Variants in NRXN1 observed in about 807,000 individuals in gnomAD.
NRXN1 encodes the protein neurexin-1.
A neutral mutation model predicts 150.9 loss-of-function variants in NRXN1; 39 were observed. The observed-to-expected ratio is 0.26, with a 90% confidence interval of 0.20 to 0.34. NRXN1 has a LOEUF of 0.34. Among genes scored for constraint, NRXN1 ranks in the 10% least tolerant of loss-of-function variants. The pLI is 1.00. For missense variants in NRXN1, 1,815 were observed against 1,949.9 expected, an observed-to-expected ratio of 0.93 and a Z score of 1.30; for synonymous variants, 924 against 757.0, an observed-to-expected ratio of 1.22 and a Z score of -3.62.
intron 5 of NRXN1, among the ~76,000 whole-genome samples, chr2:50,766,883 G>A (rs1015270804): frequency 2.0e-5 from 3 of 152,042 alleles, no homozygotes; most frequent in Non-Finnish European, 4.4e-5. Flanking sequence ...CAAAACAATA[G>A]CTGGGAGATT....
chr2:50,281,636 G>A (rs2071480253), intron 17 of NRXN1, among the ~76,000 whole-genome samples: 1 of 152,054 alleles, frequency 6.6e-6, no homozygotes, highest in African/African-American at 2.4e-5. Flanking sequence ...AGGAAGTGAG[G>A]AGGTCCCCTT....
intron 2 of NRXN1, among the ~76,000 whole-genome samples, chr2:50,945,983 CTA>C (rs1491049530): frequency 3.3e-5 from 5 of 150,424 alleles, no homozygotes; most frequent in Admixed American, 2.0e-4. Context: ...CTTTTCAGCT[CTA>C]TGTTTTAAGG....
chr2:50,390,441 A>T (rs2081612076), intron 17 of NRXN1, among the ~76,000 whole-genome samples: 1 of 152,184 alleles, frequency 6.6e-6, no homozygotes, highest in Non-Finnish European at 1.5e-5. Context: ...CAACTAATTT[A>T]CACAGGCTAG....
At chr2:50,050,880 A>C (rs1692611289) in intron 21 of NRXN1, among the ~76,000 whole-genome samples, 1 of 152,056 alleles carries the variant, frequency 6.6e-6, no homozygotes, top group Admixed American at 6.6e-5. Context: ...CCAACTTTAA[A>C]ATACTGTTGC....
intron 14 of NRXN1, 100 bp from the exon 15 acceptor site, chr2:50,496,195 A>G: frequency 1.2e-6 from 1 of 840,574 alleles, no homozygotes; most frequent in Non-Finnish European, 1.9e-6. Context: ...AGGTGGTTCC[A>G]TCCTTACTAG....
chr2:50,358,621 A>C (rs911010706), intron 17 of NRXN1, among the ~76,000 whole-genome samples: 27 of 152,220 alleles, frequency 1.8e-4, no homozygotes, highest in African/African-American at 6.5e-4. Flanking sequence ...CCTGGGATAG[A>C]ACACATGGGG....
In NRXN1 at chr2:49,937,425, G is replaced by A. The variant is rs192342180; in HGVS notation, c.4216+6279C>T. On this transcript the variant is annotated intron_variant, in intron 22 of 22. Coordinates refer to ENST00000401669, the MANE Select transcript of NRXN1 (RefSeq NM_001330078.2). The stretch of plus-strand genomic sequence containing the variant: ...ATATAATTTTTATTCTGACATTACT[G>A]CCTTCAGAAAAGCAGGGGAAAAGTG... Among the ~76,000 whole-genome samples the A allele has an allele frequency of 2.0e-5, 3 of 152,216 alleles. No homozygotes were observed. In the East Asian group the frequency reaches 5.8e-4, roughly 29 times the overall value.
At chr2:51,027,176 G>T (rs1274956050) in intron 2 of NRXN1, among the ~76,000 whole-genome samples, 1 of 152,108 alleles carries the variant, frequency 6.6e-6, no homozygotes, top group Non-Finnish European at 1.5e-5. Context: ...GGTGGGCCGC[G>T]GCCCAATATA....
intron 9 of NRXN1, among the ~76,000 whole-genome samples, chr2:50,547,177 T>C (rs2093513392): frequency 6.6e-6 from 1 of 152,170 alleles, no homozygotes; most frequent in Admixed American, 6.5e-5. Context: ...TCTTAGCTGT[T>C]AAATGTAGGC....
At position 50,498,039 on chromosome 2, in the gene NRXN1, G is replaced by A. The variant is rs535862658; in HGVS notation, c.2498-325C>T. Among the ~76,000 whole-genome samples the A allele has an allele frequency of 5.3e-5, 8 of 152,118 alleles. 2 individuals carry two copies. The South Asian group carries it at 1.7e-3, about 32-fold the overall frequency. On this transcript the variant is annotated intron_variant, in intron 13 of 22. Transcript: ENST00000401669. The stretch of plus-strand genomic sequence containing the variant: ...CACATAGTAAAAGAAGGAGAGGGAG[G>A]AAAAAAGGAAAGAAGGGAGAGTGCA...
chr2:50,092,784 A>C (rs1286226691), intron 18 of NRXN1, among the ~76,000 whole-genome samples: 1 of 152,106 alleles, frequency 6.6e-6, no homozygotes, highest in East Asian at 1.9e-4. Flanking sequence ...GAGATCCTAA[A>C]GGTTTCTGTT....
intron 8 of NRXN1, among the ~76,000 whole-genome samples, chr2:50,612,003 C>T (rs1368417470): frequency 1.3e-5 from 2 of 152,110 alleles, no homozygotes; most frequent in Non-Finnish European, 2.9e-5. Context: ...AAGCTCATTT[C>T]GTCTAATTTT....
intron 18 of NRXN1, among the ~76,000 whole-genome samples, chr2:50,165,933 T>C (rs1037928954): frequency 1.3e-5 from 2 of 152,346 alleles, no homozygotes; most frequent in East Asian, 1.9e-4. Context: ...CCAGGTGTGC[T>C]ATATTTAGCA....
chr2:50,334,943 G>T (rs192364079), intron 17 of NRXN1, among the ~76,000 whole-genome samples: 26 of 152,256 alleles, frequency 1.7e-4, no homozygotes, highest in African/African-American at 6.3e-4. Context: ...AAGGACTCCT[G>T]ACTGTTGATA....
chr2:50,517,174 T>C lies in NRXN1; in HGVS notation c.2375-10557A>G, dbSNP rs541125023. On this transcript the variant is annotated intron_variant, in intron 12 of 22. Coordinates refer to ENST00000401669, the MANE Select transcript of NRXN1 (RefSeq NM_001330078.2). ...GCATCTTAATAACTCAAAACTACTT[T>C]TAATCAAAGGTTTAATGCATCTTAA... is the stretch of plus-strand genomic sequence containing the variant. 5.3e-5 allele frequency among the ~76,000 whole-genome samples: 8 copies of C among 152,224 alleles called. No individual in the cohort carries two copies. In the East Asian group the frequency reaches 1.5e-3, roughly 29 times the overall value.
At chr2:50,798,809 T>C (rs1707192895) in intron 5 of NRXN1, among the ~76,000 whole-genome samples, 1 of 152,220 alleles carries the variant, frequency 6.6e-6, no homozygotes, top group Non-Finnish European at 1.5e-5. Flanking sequence ...ACTGTTTAAA[T>C]TTTTATTAAA....
At chr2:50,229,329 T>TTG (rs1012272571) in intron 18 of NRXN1, among the ~76,000 whole-genome samples, 12 of 125,424 alleles carry the variant, frequency 9.6e-5, no homozygotes, top group African/African-American at 6.0e-5. Context: ...GCATTTTTTT[T>TTG]TGTGTGTGTG....
intron 22 of NRXN1, among the ~76,000 whole-genome samples, chr2:49,922,489 CAG>C (rs1026308272): frequency 1.3e-5 from 2 of 152,090 alleles, no homozygotes; most frequent in Non-Finnish European, 2.9e-5. Flanking sequence ...ATTTTGTTCA[CAG>C]AGTTTGGTAA....
intron 2 of NRXN1, among the ~76,000 whole-genome samples, chr2:50,995,761 T>C (rs896399390): frequency 6.6e-6 from 1 of 152,032 alleles, no homozygotes; most frequent in African/African-American, 2.4e-5. Context: ...TGGAGACAAG[T>C]CTTGGCTTTA....
Sources: gnomAD v4.1 joint callset for allele counts (sites outside exome capture counted in the v4.1 genomes callset) on GRCh38, gnomAD v4.1.1 for gene constraint, MANE v1.5 for transcripts, NCBI Gene and HGNC (gene_info 2026-07-23, HGNC 2026-07-21) for gene names.